Variants in LUZP1 observed in about 807,000 individuals in gnomAD.
LUZP1 encodes the protein leucine zipper protein 1.
A neutral mutation model predicts 71.3 loss-of-function variants in LUZP1; 25 were observed. The ratio of observed to expected loss-of-function variants is 0.35; its 90% confidence interval spans 0.26 to 0.49. LUZP1 has a LOEUF of 0.49. Ranked by LOEUF, LUZP1 falls within the 20% of genes least tolerant of loss-of-function variation. LUZP1 has a pLI of 0.99. For missense variants in LUZP1, 1,142 were observed against 1,300.8 expected, an observed-to-expected ratio of 0.88 and a Z score of 1.88; for synonymous variants, 481 against 506.4, an observed-to-expected ratio of 0.95 and a Z score of 0.67.
chr1:23,127,345 G>GT (rs909960548), intron 2 of LUZP1, among the ~76,000 whole-genome samples: 5 of 152,106 alleles, frequency 3.3e-5, no homozygotes, highest in Non-Finnish European at 7.4e-5. Context: ...TTTTTTCACT[G>GT]TATTAGTTTA....
At chr1:23,097,358 T>C (rs1354152777) in intron 3 of LUZP1, among the ~76,000 whole-genome samples, 3 of 152,052 alleles carry the variant, frequency 2.0e-5, no homozygotes, top group Non-Finnish European at 2.9e-5. Flanking sequence ...GGGGATAAGG[T>C]TGGGAGCAGG....
At chr1:23,106,884 A>C (rs1395051643) in intron 3 of LUZP1, among the ~76,000 whole-genome samples, 1 of 152,148 alleles carries the variant, frequency 6.6e-6, no homozygotes. Flanking sequence ...CATCAGTCAG[A>C]TCAAGTCACT....
At chr1:23,103,509 G>T (rs531247953) in intron 3 of LUZP1, among the ~76,000 whole-genome samples, 1 of 152,114 alleles carries the variant, frequency 6.6e-6, no homozygotes, top group African/African-American at 2.4e-5. Context: ...ACGTTATCTA[G>T]CAAGTAGTTA....
chr1:23,172,838 T>C (rs1644560010), intron 1 of LUZP1, among the ~76,000 whole-genome samples: 1 of 150,990 alleles, frequency 6.6e-6, no homozygotes, highest in Non-Finnish European at 1.5e-5. Context: ...TTTATTTTTA[T>C]TTTTATTTTT....
intron 3 of LUZP1, among the ~76,000 whole-genome samples, 196 bp downstream of exon 2, chr1:23,108,826 G>A (rs1204319426): frequency 1.3e-5 from 2 of 152,102 alleles, no homozygotes; most frequent in East Asian, 1.9e-4. Context: ...TAATTCTTAC[G>A]GTTGCTAACT....
intron 2 of LUZP1, among the ~76,000 whole-genome samples, chr1:23,147,225 T>G (rs1644350881): frequency 6.6e-6 from 1 of 151,424 alleles, no homozygotes; most frequent in Non-Finnish European, 1.5e-5. Flanking sequence ...TGGATCACTT[T>G]AGGTCAGGGG....
At chr1:23,146,755 C>A (rs1171383573) in intron 2 of LUZP1, among the ~76,000 whole-genome samples, 2 of 152,108 alleles carry the variant, frequency 1.3e-5, no homozygotes, top group Admixed American at 6.6e-5. Context: ...AGTGATCACA[C>A]CACTGTACTC....
chr1:23,089,525 C>T (rs868214723), intron 4 of LUZP1, among the ~76,000 whole-genome samples: 3 of 152,130 alleles, frequency 2.0e-5, no homozygotes, highest in Non-Finnish European at 4.4e-5. Context: ...GTCTCTCATC[C>T]TTTATCTCTC....
intron 2 of LUZP1, among the ~76,000 whole-genome samples, chr1:23,127,789 C>A (rs1644183752): frequency 6.6e-6 from 1 of 152,136 alleles, no homozygotes; most frequent in Non-Finnish European, 1.5e-5. Flanking sequence ...TCCCAAAATG[C>A]TGGAATTACA....
At chr1:23,089,172 A>G in intron 4 of LUZP1, 119 bp from the exon 4 acceptor site, 1 of 892,174 alleles carries the variant, frequency 1.1e-6, no homozygotes, top group Non-Finnish European at 1.8e-6. Flanking sequence ...TAGCCCAGAC[A>G]GGCCATAAGT....
At chr1:23,152,006 A>G (rs1230876558) in intron 2 of LUZP1, among the ~76,000 whole-genome samples, 3 of 151,542 alleles carry the variant, frequency 2.0e-5, no homozygotes, top group Non-Finnish European at 4.4e-5. Context: ...AGTCTCCAAA[A>G]AAAAAAAAAA....
At chr1:23,129,139 G>A (rs1644194774) in intron 2 of LUZP1, among the ~76,000 whole-genome samples, 1 of 152,196 alleles carries the variant, frequency 6.6e-6, no homozygotes, top group African/African-American at 2.4e-5. Context: ...ATAAGAGACT[G>A]TTTAGAAGCT....
At chr1:23,147,159 G>A (rs941325377) in intron 2 of LUZP1, among the ~76,000 whole-genome samples, 2 of 150,114 alleles carry the variant, frequency 1.3e-5, no homozygotes, top group African/African-American at 2.5e-5. Context: ...GCTTAATGCT[G>A]GCCTGGCACG....
Position 23,153,180 on chromosome 1 carries a change from T to TAC in LUZP1, c.-226+15584_-226+15585dup, listed in dbSNP as rs1486680731. ...GACTGTTCATAATCTCAATGAGCAT[T>TAC]ACTTCACTATCTTATCTCCTTCCTA... On this transcript the variant is annotated intron_variant, in intron 2 of 4. Coordinates refer to ENST00000302291, the Ensembl canonical transcript of LUZP1. Among the ~76,000 whole-genome samples, 6 of 152,152 alleles carry TAC rather than the reference T, an allele frequency of 3.9e-5. 1 individual carries two copies.
Position 23,092,825 on chromosome 1 carries a change from CG to C in LUZP1, c.1436del (p.Pro479ArgfsTer22). 6.2e-7 allele frequency: 1 copy of C among 1,613,738 alleles called. No homozygotes were observed. Among genetic ancestry groups the C allele is most frequent in the Non-Finnish European group, 8.5e-7 (1 of 1,179,852 alleles). ...ACGCTTTACTGTGCTCCTGAGCAGC[CG>C]GGGGGTAGCGACTCAGCACTGAGGG... On this transcript the variant is annotated frameshift_variant, in exon 4 of 5. Coordinates refer to ENST00000302291, the Ensembl canonical transcript of LUZP1. LOFTEE classifies it high-confidence loss of function.
At chr1:23,108,471 A>C (rs1209841525) in intron 3 of LUZP1, among the ~76,000 whole-genome samples, 2 of 152,100 alleles carry the variant, frequency 1.3e-5, no homozygotes, top group Non-Finnish European at 2.9e-5. Flanking sequence ...ATGGTGGTGC[A>C]CACCTGTAGT....
intron 1 of LUZP1, among the ~76,000 whole-genome samples, chr1:23,176,046 C>A (rs1239223076): frequency 6.7e-6 from 1 of 149,128 alleles, no homozygotes; most frequent in African/African-American, 2.5e-5. Context: ...ATTTCCTCCA[C>A]CTTTTACTTC....
chr1:23,084,757 G>A (rs376122287), exon 5 of LUZP1: 3 of 152,090 alleles, frequency 2.0e-5, no homozygotes, highest in African/African-American at 7.2e-5. Flanking sequence ...AGAATTCGTG[G>A]CAGTAATGGA....
At chr1:23,124,410 G>C (rs1644154491) in intron 2 of LUZP1, among the ~76,000 whole-genome samples, 1 of 152,134 alleles carries the variant, frequency 6.6e-6, no homozygotes, top group South Asian at 2.1e-4. Flanking sequence ...AGGGAGTCAA[G>C]TGGCTAAGGA....
Sources: gnomAD v4.1 joint callset for allele counts (sites outside exome capture counted in the v4.1 genomes callset) on GRCh38, gnomAD v4.1.1 for gene constraint, MANE v1.5 for transcripts, NCBI Gene and HGNC (gene_info 2026-07-23, HGNC 2026-07-21) for gene names.